SLC24A3: variants seen among roughly 807,000 people sequenced by gnomAD.
The protein encoded by SLC24A3 is solute carrier family 24 member 3, also known as sodium/potassium/calcium exchanger 3.
In SLC24A3, 28 loss-of-function variants were observed where a neutral mutation model predicts 75.8. That is an observed-to-expected ratio of 0.37 (90% confidence interval 0.27 to 0.51). The LOEUF is 0.51. Ranked by LOEUF, SLC24A3 falls within the 20% of genes least tolerant of loss-of-function variation. The probability of loss-of-function intolerance (pLI) is 0.94; values close to 1 mark genes in which losing one functional copy is unlikely to be tolerated. For missense variants in SLC24A3, 663 were observed against 847.8 expected, an observed-to-expected ratio of 0.78 and a Z score of 2.71; for synonymous variants, 372 against 334.1, an observed-to-expected ratio of 1.11 and a Z score of -1.24.
intron 2 of SLC24A3, among the ~76,000 whole-genome samples, chr20:19,456,823 CA>C (rs1301705006): frequency 1.3e-5 from 2 of 152,192 alleles, no homozygotes; most frequent in African/African-American, 2.4e-5. Context: ...ACCTGGGAGT[CA>C]GTGCAACACA....
chr20:19,361,538 CTT>C (rs1985788907), intron 2 of SLC24A3, among the ~76,000 whole-genome samples: 1 of 152,182 alleles, frequency 6.6e-6, no homozygotes, highest in African/African-American at 2.4e-5. Context: ...CAGCAATACT[CTT>C]TATTTTGATA....
intron 2 of SLC24A3, among the ~76,000 whole-genome samples, chr20:19,454,624 A>G (rs1987547543): frequency 6.6e-6 from 1 of 152,218 alleles, no homozygotes; most frequent in South Asian, 2.1e-4. Context: ...AAGTTAAGCC[A>G]TAAAGAACTT....
At chr20:19,226,690 C>A (rs1568562381) in intron 1 of SLC24A3, among the ~76,000 whole-genome samples, 1 of 152,124 alleles carries the variant, frequency 6.6e-6, no homozygotes, top group Admixed American at 6.5e-5. Flanking sequence ...CACAATAACT[C>A]TATAGAGTAG....
intron 7 of SLC24A3, among the ~76,000 whole-genome samples, chr20:19,655,962 GC>G (rs778174932): frequency 4.3e-4 from 66 of 152,168 alleles, no homozygotes; most frequent in Middle Eastern, 3.4e-3. Flanking sequence ...AACTAATACA[GC>G]CCTCACTGGC....
chr20:19,715,117 C>G (rs1381164002), intron 15 of SLC24A3, among the ~76,000 whole-genome samples: 1 of 152,224 alleles, frequency 6.6e-6, no homozygotes, highest in Non-Finnish European at 1.5e-5. Flanking sequence ...AGAGCCTCTT[C>G]CTCTCTCCTA....
chr20:19,572,175 T>C (rs929855370), intron 3 of SLC24A3, among the ~76,000 whole-genome samples: 4 of 152,104 alleles, frequency 2.6e-5, no homozygotes, highest in South Asian at 2.1e-4. Context: ...CCCCTCCCCC[T>C]CTAAAAATGT....
chr20:19,425,861 G>A (rs1341134393), intron 2 of SLC24A3, among the ~76,000 whole-genome samples: 1 of 152,116 alleles, frequency 6.6e-6, no homozygotes, highest in Non-Finnish European at 1.5e-5. Flanking sequence ...TGGGCCAGTG[G>A]TTGCTCCTTC....
chr20:19,355,727 G>A (rs150518460), intron 2 of SLC24A3, among the ~76,000 whole-genome samples: 9 of 152,260 alleles, frequency 5.9e-5, no homozygotes, highest in South Asian at 2.1e-4. Flanking sequence ...TTCTTTATCC[G>A]CACATTAGTG....
intron 1 of SLC24A3, among the ~76,000 whole-genome samples, chr20:19,276,976 A>G (rs1349307059): frequency 2.6e-4 from 39 of 152,196 alleles, no homozygotes; most frequent in Admixed American, 2.5e-3. Flanking sequence ...GCATGACTGT[A>G]ATTTCTGAGG....
intron 2 of SLC24A3, among the ~76,000 whole-genome samples, chr20:19,468,238 T>C (rs1475512861): frequency 6.6e-6 from 1 of 152,138 alleles, no homozygotes; most frequent in Admixed American, 6.5e-5. Context: ...GGGATCTGTT[T>C]GTAAGATAAG....
intron 9 of SLC24A3, among the ~76,000 whole-genome samples, chr20:19,676,226 A>G (rs6112511): frequency 0.46 from 69,238 of 152,078 alleles, 17,091 homozygotes; most frequent in South Asian, 0.63. Context: ...CTTGAAGCCC[A>G]TGAGTCGCTG....
rs114642038 is a variant in SLC24A3 at position 19,484,122 on chromosome 20, G to A, written c.272-31366G>A. On this transcript the variant is annotated intron_variant, in intron 2 of 16. Transcript: ENST00000328041. ...AAATGGATAAATAAAATGTGGTAAG[G>A]GTTGAGTATCCCTTTTCCCAAATAC... 2.1e-3 allele frequency among the ~76,000 whole-genome samples: 324 copies of A among 152,222 alleles called. 1 individual carries two copies. The highest frequency in any genetic ancestry group is 7.4e-3 in the African/African-American group (307 of 41,530).
At chr20:19,398,325 C>A (rs149226820) in intron 2 of SLC24A3, among the ~76,000 whole-genome samples, 61 of 152,164 alleles carry the variant, frequency 4.0e-4, no homozygotes, top group Middle Eastern at 6.8e-3. Flanking sequence ...TATATTGCTC[C>A]ATTTACTTCA....
intron 6 of SLC24A3, among the ~76,000 whole-genome samples, chr20:19,624,289 C>T (rs556510994): frequency 6.6e-6 from 1 of 152,134 alleles, no homozygotes; most frequent in Non-Finnish European, 1.5e-5. Flanking sequence ...AGGCAAGTAT[C>T]CTGGAACCCA....
At chr20:19,715,678 G>T (rs6112533) in intron 15 of SLC24A3, among the ~76,000 whole-genome samples, 8,186 of 152,170 alleles carry the variant, frequency 0.054, 274 homozygotes, top group Middle Eastern at 0.11. Context: ...ACCCACCTAT[G>T]GAGACTCCTT....
chr20:19,535,546 C>T (rs1185360674), intron 3 of SLC24A3, among the ~76,000 whole-genome samples: 3 of 152,224 alleles, frequency 2.0e-5, no homozygotes, highest in Non-Finnish European at 4.4e-5. Flanking sequence ...CCCTCCAGTA[C>T]ATTCTATTGG....
rs770636738 is a variant in SLC24A3, at chr20:19,250,633, T to C, written c.143-30326T>C. Among the ~76,000 whole-genome samples, 13 of 152,350 alleles carry C rather than the reference T, an allele frequency of 8.5e-5. 1 individual carries two copies. The South Asian group carries it at 1.7e-3, about 19-fold the overall frequency. On this transcript the variant is annotated intron_variant, in intron 1 of 16. Coordinates refer to ENST00000328041, the MANE Select transcript of SLC24A3 (RefSeq NM_020689.4). ...AGGTGTGGCTAGAGAGAGAGGTTCATAGTTTTAGAGCTTTTTAAAAATTTT... is the reference window on the plus strand; with the variant it reads ...AGGTGTGGCTAGAGAGAGAGGTTCACAGTTTTAGAGCTTTTTAAAAATTTT...
intron 7 of SLC24A3, among the ~76,000 whole-genome samples, chr20:19,660,822 G>A (rs1197608296): frequency 2.0e-5 from 3 of 152,074 alleles, no homozygotes; most frequent in African/African-American, 7.2e-5. Context: ...TTCTGGCAAA[G>A]TCGGAATAAC....
chr20:19,651,305 GCATGACTC>G (rs1298289200), intron 6 of SLC24A3, among the ~76,000 whole-genome samples: 2 of 149,024 alleles, frequency 1.3e-5, no homozygotes, highest in Non-Finnish European at 3.0e-5. Context: ...AATTTTGAAG[GCATGACTC>G]CATTTTTTGC....
Sources: gnomAD v4.1 joint callset for allele counts (sites outside exome capture counted in the v4.1 genomes callset) on GRCh38, gnomAD v4.1.1 for gene constraint, MANE v1.5 for transcripts, NCBI Gene and HGNC (gene_info 2026-07-23, HGNC 2026-07-21) for gene names.